Variants in GABRB1 observed in about 807,000 individuals in gnomAD.
GABRB1 encodes gamma-aminobutyric acid type A receptor subunit beta1.
GABRB1 carries 17 observed loss-of-function variants against 51.6 expected under a neutral mutation model. The observed-to-expected ratio is 0.33, with a 90% CI of 0.23 to 0.49. The LOEUF (loss-of-function observed/expected upper bound fraction) is 0.49. Among genes scored for constraint, GABRB1 ranks in the 20% least tolerant of loss-of-function variants. GABRB1 has a pLI of 0.99. For missense variants in GABRB1, 410 were observed against 600.6 expected, an observed-to-expected ratio of 0.68 and a Z score of 3.32; for synonymous variants, 247 against 218.9, an observed-to-expected ratio of 1.13 and a Z score of -1.14.
At chr4:47,142,275 G>C (rs1716970453) in intron 3 of GABRB1, among the ~76,000 whole-genome samples, 1 of 151,802 alleles carries the variant, frequency 6.6e-6, no homozygotes, top group Non-Finnish European at 1.5e-5. Flanking sequence ...GGGGCAAAGA[G>C]AAAGACAAGT....
intron 4 of GABRB1, among the ~76,000 whole-genome samples, chr4:47,211,199 T>C (rs1720341429): frequency 6.6e-6 from 1 of 152,170 alleles, no homozygotes; most frequent in African/African-American, 2.4e-5. Context: ...GAGCCTAATA[T>C]GAGTTTATGA....
intron 5 of GABRB1, among the ~76,000 whole-genome samples, chr4:47,366,933 C>T (rs746227687): frequency 6.6e-6 from 1 of 152,100 alleles, no homozygotes; most frequent in Non-Finnish European, 1.5e-5. Context: ...TTATGTGTGG[C>T]ATATTAGGTT....
intron 3 of GABRB1, among the ~76,000 whole-genome samples, chr4:47,033,641 T>G (rs886585935): frequency 6.6e-6 from 1 of 152,226 alleles, no homozygotes; most frequent in African/African-American, 2.4e-5. Context: ...TCGTTTTATT[T>G]TAATATACTA....
At chr4:47,289,274 A>C (rs1723636371) in intron 4 of GABRB1, among the ~76,000 whole-genome samples, 1 of 152,136 alleles carries the variant, frequency 6.6e-6, no homozygotes, top group African/African-American at 2.4e-5. Context: ...TCCGTTTTGA[A>C]CCTATTATTT....
chr4:47,268,269 A>C (rs1211023483), intron 4 of GABRB1, among the ~76,000 whole-genome samples: 1 of 152,172 alleles, frequency 6.6e-6, no homozygotes, highest in Non-Finnish European at 1.5e-5. Context: ...TAGTAAACTC[A>C]CTCTGGATTT....
At chr4:47,313,102 A>T (rs960328245) in intron 4 of GABRB1, among the ~76,000 whole-genome samples, 1 of 152,174 alleles carries the variant, frequency 6.6e-6, no homozygotes, top group African/African-American at 2.4e-5. Flanking sequence ...ATAGCCCATT[A>T]TAGTGTTCTG....
At chr4:47,312,421 C>CAA (rs34648949) in intron 4 of GABRB1, among the ~76,000 whole-genome samples, 2 of 151,988 alleles carry the variant, frequency 1.3e-5, no homozygotes, top group South Asian at 2.1e-4. Flanking sequence ...GTATTAGCTG[C>CAA]AAAAAATCTA....
chr4:47,305,715 G>A (rs1317363868), intron 4 of GABRB1, among the ~76,000 whole-genome samples: 1 of 152,108 alleles, frequency 6.6e-6, no homozygotes, highest in Non-Finnish European at 1.5e-5. Flanking sequence ...TTCATTGAAG[G>A]AACTCATTTT....
intron 4 of GABRB1, among the ~76,000 whole-genome samples, chr4:47,264,233 T>C (rs1722561208): frequency 6.6e-6 from 1 of 152,176 alleles, no homozygotes; most frequent in Non-Finnish European, 1.5e-5. Flanking sequence ...TAGGAAAGAC[T>C]TAAACCCGTA....
chr4:47,119,737 A>C (rs904973418), intron 3 of GABRB1, among the ~76,000 whole-genome samples: 1 of 151,974 alleles, frequency 6.6e-6, no homozygotes, highest in Non-Finnish European at 1.5e-5. Flanking sequence ...TTGAACTCCC[A>C]ACCTCAGGTG....
At chr4:47,246,366 AT>A (rs1372907911) in intron 4 of GABRB1, among the ~76,000 whole-genome samples, 5 of 44,520 alleles carry the variant, frequency 1.1e-4, no homozygotes, top group East Asian at 1.2e-3. Context: ...ATATATATAT[AT>A]ATATATATAT....
intron 3 of GABRB1, chr4:47,032,899 A>G: frequency 2.7e-6 from 1 of 367,954 alleles, no homozygotes; most frequent in Non-Finnish European, 5.4e-6. Context: ...GGCAATCCCC[A>G]TGGCCCTCGC....
intron 5 of GABRB1, among the ~76,000 whole-genome samples, chr4:47,329,219 T>C (rs1725371862): frequency 6.6e-6 from 1 of 151,908 alleles, no homozygotes; most frequent in Admixed American, 6.6e-5. Context: ...GTAAGAAAAA[T>C]ATAAGAAGGC....
intron 4 of GABRB1, among the ~76,000 whole-genome samples, chr4:47,203,259 T>C (rs2109799859): frequency 6.6e-6 from 1 of 152,312 alleles, no homozygotes; most frequent in South Asian, 2.1e-4. Flanking sequence ...TAAATGTCCA[T>C]CTGTTGCCCT....
At chr4:47,346,283 A>G (rs1010087457) in intron 5 of GABRB1, among the ~76,000 whole-genome samples, 2 of 152,210 alleles carry the variant, frequency 1.3e-5, no homozygotes, top group African/African-American at 2.4e-5. Context: ...AATGAAAAAT[A>G]GAAAACTCTA....
chr4:47,295,691 A>T (rs1463623225), intron 4 of GABRB1, among the ~76,000 whole-genome samples: 2 of 152,236 alleles, frequency 1.3e-5, no homozygotes, highest in Non-Finnish European at 2.9e-5. Flanking sequence ...TTTGCAGGAT[A>T]TTATCCAGGA....
In GABRB1 at chr4:47,031,895, C is replaced by T; in HGVS notation, c.81-19C>T. On this transcript the variant is annotated intron_variant, in intron 1 of 8. Coordinates refer to ENST00000295454, the MANE Select transcript of GABRB1 (RefSeq NM_000812.4). ...AGTTTGTGCTCATTTTGAATACGGT[C>T]CCTACTTCTTCCCCTTAGCACCAAT... 1.9e-6 allele frequency: 3 copies of T among 1,605,012 alleles called. No individual in the cohort carries two copies. Among genetic ancestry groups the T allele is most frequent in the Non-Finnish European group, 2.6e-6 (3 of 1,171,994 alleles).
At chr4:47,262,798 T>TG (rs774835475) in intron 4 of GABRB1, among the ~76,000 whole-genome samples, 11 of 152,008 alleles carry the variant, frequency 7.2e-5, no homozygotes, top group South Asian at 6.3e-4. Context: ...CCAACCCAAA[T>TG]TCCAACAATG....
chr4:47,352,710 AT>A (rs1399250926), intron 5 of GABRB1, among the ~76,000 whole-genome samples: 1 of 152,124 alleles, frequency 6.6e-6, no homozygotes, highest in African/African-American at 2.4e-5. Flanking sequence ...TTACATTCTA[AT>A]TTACCTATTG....
Sources: allele counts gnomAD v4.1 joint callset (sites outside exome capture counted in the v4.1 genomes callset), GRCh38; gene constraint gnomAD v4.1.1; transcripts MANE v1.5; gene names NCBI Gene and HGNC (gene_info 2026-07-23, HGNC 2026-07-21).